The following RAD17 variants were observed in gnomAD, a reference collection of about 807,000 sequenced individuals.
RAD17 encodes RAD17 checkpoint clamp loader component.
In RAD17, 31 loss-of-function variants were observed where a neutral mutation model predicts 81.5. The observed-to-expected ratio is 0.38, with a 90% CI of 0.29 to 0.51. RAD17 has a LOEUF of 0.51. Ranked by LOEUF, RAD17 falls within the 20% of genes least tolerant of loss-of-function variation. RAD17 has a pLI of 0.88. For missense variants in RAD17, 681 were observed against 781.2 expected (o/e 0.87, Z 1.53); for synonymous variants, 261 against 266.2 (o/e 0.98, Z 0.19).
chr5:69,409,485 TC>T (rs1765835981), intron 17 of RAD17, among the ~76,000 whole-genome samples: 1 of 152,140 alleles, frequency 6.6e-6, no homozygotes, highest in African/African-American at 2.4e-5. Flanking sequence ...CTCAGATTCT[TC>T]CTGTTTGGTT....
At position 69,384,880 on chromosome 5, in the gene RAD17, T is replaced by C; in HGVS notation, c.592T>C (p.Leu198=). 1 of 1,613,092 alleles carries C rather than the reference T, an allele frequency of 6.2e-7. No homozygotes were observed. Among genetic ancestry groups the C allele is most frequent in the Non-Finnish European group, 8.5e-7 (1 of 1,179,250 alleles). Residue 198 remains leucine (L), a synonymous_variant, in exon 8 of 19, where the codon TTA becomes CTA. Coordinates refer to ENST00000354868, the MANE Select transcript of RAD17 (RefSeq NM_133338.3). ...FLLRATKYNK[L]QMLGDDLRTD... is the part of the protein sequence containing the mutation. ...ACTAAGAGCGACAAAGTATAACAAGTTACAAATGCTTGGAGATGATCTGAG... is the reference window on the plus strand; with the variant it reads ...ACTAAGAGCGACAAAGTATAACAAGCTACAAATGCTTGGAGATGATCTGAG...
intron 17 of RAD17, among the ~76,000 whole-genome samples, chr5:69,407,105 C>T (rs568825347): frequency 2.0e-5 from 3 of 149,248 alleles, no homozygotes; most frequent in East Asian, 4.0e-4. Context: ...CAGGTTCAAG[C>T]GATTCTCCTA....
At chr5:69,395,672 C>T (rs1335804465) in intron 15 of RAD17, among the ~76,000 whole-genome samples, 1 of 151,830 alleles carries the variant, frequency 6.6e-6, no homozygotes, top group East Asian at 1.9e-4. Context: ...TATACAGCTA[C>T]TAAGTACCCA....
intron 7 of RAD17, among the ~76,000 whole-genome samples, chr5:69,382,608 A>T (rs1336547042): frequency 2.6e-5 from 4 of 152,172 alleles, no homozygotes; most frequent in Non-Finnish European, 4.4e-5. Context: ...AGGAGGTTAG[A>T]CAGTATTAAC....
At chr5:69,398,868 TAAAAAAAAAAA>T (rs72281552) in intron 16 of RAD17, among the ~76,000 whole-genome samples, 1 of 109,880 alleles carries the variant, frequency 9.1e-6, no homozygotes. Context: ...ATCTCCTGGT[TAAAAAAAAAAA>T]AAAAAAAAAG....
intron 18 of RAD17, 36 bp downstream of exon 18, chr5:69,410,586 A>G (rs1220137073): frequency 6.3e-7 from 1 of 1,577,282 alleles, no homozygotes; most frequent in South Asian, 1.1e-5. Flanking sequence ...AAAGCTGATA[A>G]TGAAATGTCT....
chr5:69,371,605 T>C (rs963797036), intron 3 of RAD17, 48 bp downstream of exon 3: 10 of 1,020,710 alleles, frequency 9.8e-6, no homozygotes, highest in Non-Finnish European at 1.3e-5. Context: ...AAAATAATTA[T>C]AAATTTTTAT....
At chr5:69,397,127 C>T (rs1764941921) in intron 16 of RAD17, among the ~76,000 whole-genome samples, 3 of 151,892 alleles carry the variant, frequency 2.0e-5, no homozygotes, top group South Asian at 2.1e-4. Context: ...ACACCATGCT[C>T]GGCCATATTT....
rs560628530 is a variant in RAD17, at chr5:69,397,851, C to T, written c.1572+1305C>T. Reference sequence around the variant, plus strand: ...TGAAAATCATGGCCGGGCATGGTGGCTCACGCCTGTAATCCCAGCACTTTG... The same window carrying T: ...TGAAAATCATGGCCGGGCATGGTGGTTCACGCCTGTAATCCCAGCACTTTG... On this transcript the variant is annotated intron_variant, in intron 16 of 18. Transcript: ENST00000354868. Among the ~76,000 whole-genome samples the T allele has an allele frequency of 9.2e-5, 14 of 152,298 alleles. No individual in the cohort carries two copies. The East Asian group carries it at 1.7e-3, about 19-fold the overall frequency.
At chr5:69,409,164 G>A (rs1383470178) in intron 17 of RAD17, among the ~76,000 whole-genome samples, 1 of 152,076 alleles carries the variant, frequency 6.6e-6, no homozygotes, top group African/African-American at 2.4e-5. Flanking sequence ...CACTTATTCT[G>A]GGTGGGTGCC....
At chr5:69,379,131 A>G (rs1763690528) in intron 6 of RAD17, among the ~76,000 whole-genome samples, 1 of 152,162 alleles carries the variant, frequency 6.6e-6, no homozygotes, top group African/African-American at 2.4e-5. Flanking sequence ...AGTCCCAGCT[A>G]TATGGGAGGC....
chr5:69,385,685 T>C (rs560282420), intron 8 of RAD17, among the ~76,000 whole-genome samples: 1 of 152,354 alleles, frequency 6.6e-6, no homozygotes, highest in Non-Finnish European at 1.5e-5. Flanking sequence ...ACAAAGGCTT[T>C]GTAATAGTAG....
chr5:69,386,487 C>A, intron 11 of RAD17, 22 bp downstream of exon 11: 2 of 1,546,740 alleles, frequency 1.3e-6, no homozygotes, highest in East Asian at 2.3e-5. Context: ...ATTAATTAAA[C>A]CTTACTCGAT....
At chr5:69,371,349 T>G in intron 2 of RAD17, 105 bp from the exon 3 acceptor site, 1 of 502,354 alleles carries the variant, frequency 2.0e-6, no homozygotes, top group South Asian at 3.3e-5. Flanking sequence ...CACTAGTTCT[T>G]GAGCCTTTAT....
At chr5:69,376,592 T>TA (rs897375214) in intron 6 of RAD17, among the ~76,000 whole-genome samples, 18 of 152,226 alleles carry the variant, frequency 1.2e-4, no homozygotes, top group East Asian at 3.8e-4. Flanking sequence ...CTTCTCCCGT[T>TA]ACTAACCTTC....
chr5:69,414,669 A>G lies in RAD17; in HGVS notation c.*377A>G, dbSNP rs988272071. 3 of 247,164 alleles carry G rather than the reference A, an allele frequency of 1.2e-5. No individual in the cohort carries two copies. Among genetic ancestry groups the G allele is most frequent in the African/African-American group, 2.3e-5 (1 of 44,148 alleles). 15.3% of individuals were successfully genotyped at this position (247,164 alleles called of 1,614,324 possible). ...GTTTAGGATGCAATTACGAGTGTAAACTGTGTGCCTTATTTACACTTTATT... is the reference window on the plus strand; with the variant it reads ...GTTTAGGATGCAATTACGAGTGTAAGCTGTGTGCCTTATTTACACTTTATT... On this transcript the variant is annotated 3_prime_UTR_variant, in exon 19 of 19. Transcript: ENST00000354868.
chr5:69,402,780 C>T (rs1024223397), intron 17 of RAD17, among the ~76,000 whole-genome samples: 1 of 152,072 alleles, frequency 6.6e-6, no homozygotes, highest in African/African-American at 2.4e-5. Flanking sequence ...TATTCTCTCT[C>T]TTTATAAGCA....
In RAD17 at chr5:69,377,626, TATATATGTATACATATATATATGC is replaced by T. The variant is rs1159994338; in HGVS notation, c.351+2922_351+2945del. Among the ~76,000 whole-genome samples, 10 of 39,626 alleles carry T rather than the reference TATATATGTATACATATATATATGC, an allele frequency of 2.5e-4. 1 individual carries two copies. The highest frequency in any genetic ancestry group is 3.5e-4 in the Non-Finnish European group (7 of 19,784). 26.0% of individuals were successfully genotyped at this position (39,626 alleles called of 152,430 possible). ...ATATATATGTATACATATATATGCATATATATGTATACATATATATATGCATATATATATGTATACATATATATA... is the reference window on the plus strand; with the variant it reads ...ATATATATGTATACATATATATGCATATATATATATGTATACATATATATA... On this transcript the variant is annotated intron_variant, in intron 6 of 18. Transcript: ENST00000354868.
intron 11 of RAD17, among the ~76,000 whole-genome samples, chr5:69,387,903 G>T (rs1259768261): frequency 6.6e-6 from 1 of 152,132 alleles, no homozygotes. Flanking sequence ...GTGTGCTCCT[G>T]TATTCCCAGC....
Sources: allele counts gnomAD v4.1 joint callset (sites outside exome capture counted in the v4.1 genomes callset), GRCh38; gene constraint gnomAD v4.1.1; transcripts MANE v1.5; gene names NCBI Gene and HGNC (gene_info 2026-07-23, HGNC 2026-07-21).